Variants in CAMK2D observed in about 807,000 individuals in gnomAD.
CAMK2D encodes the protein calcium/calmodulin-dependent protein kinase type II subunit delta.
Under a neutral mutation model 84.0 loss-of-function variants are expected in CAMK2D, and 37 were observed. That is an observed-to-expected ratio of 0.44 (90% CI 0.34 to 0.58). The LOEUF (loss-of-function observed/expected upper bound fraction) is 0.58. CAMK2D is among the 20% of genes least tolerant of loss of function. CAMK2D has a pLI of 0.02. For synonymous variants in CAMK2D, 202 were observed against 212.5 expected (o/e 0.95, Z 0.43); for missense variants, 448 against 652.5 (o/e 0.69, Z 3.41).
chr4:113,464,304 C>G (rs1047670558), intron 17 of CAMK2D, among the ~76,000 whole-genome samples: 1 of 152,130 alleles, frequency 6.6e-6, no homozygotes, highest in African/African-American at 2.4e-5. Flanking sequence ...ATGTTCTTTA[C>G]CTATTTTTCT....
intron 4 of CAMK2D, among the ~76,000 whole-genome samples, chr4:113,587,413 A>G (rs573290988): frequency 6.6e-6 from 1 of 152,232 alleles, no homozygotes; most frequent in Non-Finnish European, 1.5e-5. Context: ...ATGGCTTTTT[A>G]CTCTTAGGTC....
At chr4:113,700,267 A>G (rs1008121251) in intron 2 of CAMK2D, among the ~76,000 whole-genome samples, 18 of 152,330 alleles carry the variant, frequency 1.2e-4, no homozygotes, top group African/African-American at 3.8e-4. Context: ...ACTTTTGTCA[A>G]TAAAATTTAA....
chr4:113,544,398 C>T (rs1049666074), intron 6 of CAMK2D, among the ~76,000 whole-genome samples: 6 of 152,136 alleles, frequency 3.9e-5, no homozygotes, highest in South Asian at 4.1e-4. Flanking sequence ...TCTTTGGTCT[C>T]TTTACAGGCT....
intron 2 of CAMK2D, among the ~76,000 whole-genome samples, chr4:113,718,669 A>C (rs2099521095): frequency 6.6e-6 from 1 of 152,188 alleles, no homozygotes. Context: ...GGCTGTTTTC[A>C]TCTTTGTTTC....
intron 2 of CAMK2D, among the ~76,000 whole-genome samples, chr4:113,726,016 T>C (rs921717305): frequency 1.3e-5 from 2 of 152,146 alleles, no homozygotes. Context: ...ATGAAACAAG[T>C]TAAAAACCTG....
At chr4:113,521,230 G>C (rs1218822749) in intron 8 of CAMK2D, among the ~76,000 whole-genome samples, 1 of 152,154 alleles carries the variant, frequency 6.6e-6, no homozygotes, top group African/African-American at 2.4e-5. Context: ...GACTTCTGTT[G>C]AATTTTGATT....
intron 3 of CAMK2D, among the ~76,000 whole-genome samples, chr4:113,623,508 T>C (rs1223218500): frequency 1.3e-5 from 2 of 152,108 alleles, no homozygotes; most frequent in Non-Finnish European, 2.9e-5. Context: ...AGTGTACTTA[T>C]ACAGACCTAG....
intron 2 of CAMK2D, among the ~76,000 whole-genome samples, chr4:113,741,914 C>T (rs766720558): frequency 1.3e-5 from 2 of 152,172 alleles, no homozygotes; most frequent in Non-Finnish European, 2.9e-5. Flanking sequence ...TATTTTCTCA[C>T]GGTTTGCTTC....
intron 4 of CAMK2D, among the ~76,000 whole-genome samples, chr4:113,553,629 A>G (rs2098644871): frequency 6.6e-6 from 1 of 152,154 alleles, no homozygotes; most frequent in African/African-American, 2.4e-5. Flanking sequence ...TGCATTCTGG[A>G]TACCTCAAAG....
At chr4:113,678,004 G>A (rs1471966756) in intron 2 of CAMK2D, among the ~76,000 whole-genome samples, 1 of 152,066 alleles carries the variant, frequency 6.6e-6, no homozygotes, top group African/African-American at 2.4e-5. Flanking sequence ...ATTTTTTAAA[G>A]CTATCTATGG....
At chr4:113,754,101 T>C (rs796801983) in intron 2 of CAMK2D, 3 of 872,592 alleles carry the variant, frequency 3.4e-6, no homozygotes, top group South Asian at 5.3e-5. Flanking sequence ...AATATAAAGA[T>C]ATGTTTTACA....
rs1336118483 is a variant in CAMK2D at position 113,547,703 on chromosome 4, G to C, written c.355C>G (p.Gln119Glu). The change falls in exon 6 of 21, where the codon CAG becomes GAG. Residue 119 changes from glutamine (Q) to glutamate (E), a missense_variant. By Grantham distance (29) the Gln-to-Glu change is conservative. Transcript: ENST00000511664. ...CAGTGTAGCACAGCCTCCAGGATCTGCTGAATGCAATGACTGCATGCAAAC... is the reference window on the plus strand; with the variant it reads ...CAGTGTAGCACAGCCTCCAGGATCTCCTGAATGCAATGACTGCATGCAAAC... Reference protein sequence around the residue: ...SEADASHCIQQILEAVLHCHQ... With the variant: ...SEADASHCIQEILEAVLHCHQ... 6.4e-7 allele frequency: 1 copy of C among 1,557,628 alleles called. No individual in the cohort carries two copies. Among genetic ancestry groups the C allele is most frequent in the Non-Finnish European group, 8.6e-7 (1 of 1,157,898 alleles).
At chr4:113,689,666 G>A (rs1371676903) in intron 2 of CAMK2D, among the ~76,000 whole-genome samples, 2 of 152,044 alleles carry the variant, frequency 1.3e-5, no homozygotes, top group East Asian at 3.9e-4. Context: ...TTGCTCAAAT[G>A]TTACCAATTC....
intron 4 of CAMK2D, among the ~76,000 whole-genome samples, chr4:113,598,337 A>T (rs926993141): frequency 2.6e-5 from 4 of 152,214 alleles, no homozygotes; most frequent in African/African-American, 9.6e-5. Flanking sequence ...TCACATTAAA[A>T]AAAAATGAAT....
intron 17 of CAMK2D, among the ~76,000 whole-genome samples, chr4:113,462,292 G>GTCTCTC (rs1554637197): frequency 9.0e-6 from 1 of 111,284 alleles, no homozygotes; most frequent in Non-Finnish European, 2.1e-5. Flanking sequence ...GTGTGTGTGT[G>GTCTCTC]TGTCTGTCTG....
chr4:113,527,628 GC>G (rs1377108013), intron 8 of CAMK2D, among the ~76,000 whole-genome samples: 2 of 152,046 alleles, frequency 1.3e-5, no homozygotes, highest in Non-Finnish European at 2.9e-5. Context: ...TTTCTGCACA[GC>G]CAGAGAAGAA....
At chr4:113,675,958 T>C (rs1390074659) in intron 2 of CAMK2D, among the ~76,000 whole-genome samples, 1 of 152,222 alleles carries the variant, frequency 6.6e-6, no homozygotes, top group Non-Finnish European at 1.5e-5. Flanking sequence ...ACTCCTTTAG[T>C]TCAGATTTTC....
At chr4:113,471,043 C>T (rs918644150) in intron 16 of CAMK2D, among the ~76,000 whole-genome samples, 2 of 152,152 alleles carry the variant, frequency 1.3e-5, no homozygotes, top group Non-Finnish European at 2.9e-5. Flanking sequence ...AGTAGTATGT[C>T]TTATCGTTTA....
intron 4 of CAMK2D, among the ~76,000 whole-genome samples, 196 bp from the exon 5 acceptor site, chr4:113,552,292 A>G (rs2098634654): frequency 6.6e-6 from 1 of 152,184 alleles, no homozygotes; most frequent in South Asian, 2.1e-4. Context: ...TTTGTCTATC[A>G]TTAGACACAT....
Sources: allele counts gnomAD v4.1 joint callset (sites outside exome capture counted in the v4.1 genomes callset), GRCh38; gene constraint gnomAD v4.1.1; transcripts MANE v1.5; gene names NCBI Gene and HGNC (gene_info 2026-07-23, HGNC 2026-07-21).